Variants in TBC1D4 observed in about 807,000 individuals in gnomAD.
TBC1D4 encodes TBC (Tre-2, BUB2, CDC16) domain-containing protein.
In TBC1D4, 121 loss-of-function variants were observed where a neutral mutation model predicts 142.5. The observed-to-expected ratio is 0.85, with a 90% CI of 0.73 to 0.99. TBC1D4 has a LOEUF of 0.99. TBC1D4 is among the 50% of genes least tolerant of loss of function. The probability of loss-of-function intolerance (pLI) is 0.00; values close to 1 mark genes in which losing one functional copy is unlikely to be tolerated. For missense variants in TBC1D4, 1,475 were observed against 1,606.6 expected (o/e 0.92, Z 1.40); for synonymous variants, 630 against 628.2 (o/e 1.00, Z -0.04).
At chr13:75,459,802 C>T (rs535259923) in intron 1 of TBC1D4, among the ~76,000 whole-genome samples, 1 of 152,272 alleles carries the variant, frequency 6.6e-6, no homozygotes, top group Non-Finnish European at 1.5e-5. Context: ...TTGAAAACAA[C>T]AACAAAAACA....
At chr13:75,417,075 G>C (rs1885950803) in intron 1 of TBC1D4, among the ~76,000 whole-genome samples, 1 of 152,108 alleles carries the variant, frequency 6.6e-6, no homozygotes, top group Non-Finnish European at 1.5e-5. Context: ...CAATATCTCT[G>C]GTCCACTGTT....
At chr13:75,319,940 T>G in intron 12 of TBC1D4, 74 bp downstream of exon 12, 1 of 1,546,986 alleles carries the variant, frequency 6.5e-7, no homozygotes, top group Non-Finnish European at 8.8e-7. Context: ...AACTGCTTTT[T>G]AAACTAAGGA....
At chr13:75,439,426 C>A (rs970239461) in intron 1 of TBC1D4, among the ~76,000 whole-genome samples, 1 of 152,046 alleles carries the variant, frequency 6.6e-6, no homozygotes, top group African/African-American at 2.4e-5. Context: ...TAATGCAAAT[C>A]GTATGTTCAC....
intron 1 of TBC1D4, among the ~76,000 whole-genome samples, chr13:75,424,050 A>ACAAG: frequency 6.6e-6 from 1 of 152,314 alleles, no homozygotes; most frequent in Non-Finnish European, 1.5e-5. Flanking sequence ...AGGTCAAGGC[A>ACAAG]CAAGGAGTGC....
intron 10 of TBC1D4, among the ~76,000 whole-genome samples, chr13:75,325,246 T>A (rs1879125252): frequency 7.8e-6 from 1 of 128,276 alleles, no homozygotes; most frequent in Admixed American, 8.2e-5. Context: ...AATCTGAGAA[T>A]AATGAACTCT....
chr13:75,426,227 A>G (rs1886364886), intron 1 of TBC1D4, among the ~76,000 whole-genome samples: 1 of 152,206 alleles, frequency 6.6e-6, no homozygotes, highest in Non-Finnish European at 1.5e-5. Context: ...AAAGCAAAAT[A>G]CAATGAGATA....
chr13:75,397,595 CT>C (rs1202394314), intron 1 of TBC1D4, among the ~76,000 whole-genome samples: 3 of 151,970 alleles, frequency 2.0e-5, no homozygotes, highest in Non-Finnish European at 4.4e-5. Context: ...TCCTGTTTGG[CT>C]TTTTGTTTTT....
intron 1 of TBC1D4, among the ~76,000 whole-genome samples, chr13:75,379,885 CTCTTTTTTTTTTTTTTTTTTTTTTT>C (rs1883724261): frequency 1.0e-5 from 1 of 98,536 alleles, no homozygotes; most frequent in Admixed American, 1.2e-4. Flanking sequence ...GTTCATCTGA[CTCTTTTTTTTTTTTTTTTTTTTTTT>C]TTTTTTTTTT....
At chr13:75,402,477 A>G (rs1215110036) in intron 1 of TBC1D4, among the ~76,000 whole-genome samples, 3 of 152,192 alleles carry the variant, frequency 2.0e-5, no homozygotes, top group Non-Finnish European at 2.9e-5. Flanking sequence ...TATAATAAAT[A>G]CTTCCATTCT....
intron 1 of TBC1D4, among the ~76,000 whole-genome samples, chr13:75,430,828 T>TA (rs1408430540): frequency 1.3e-5 from 2 of 152,178 alleles, no homozygotes; most frequent in Non-Finnish European, 2.9e-5. Context: ...TTCCTTTTCA[T>TA]ATGGTCAGCG....
In TBC1D4 at chr13:75,369,025, C is replaced by T. The variant is rs1418809811; in HGVS notation, c.499-6418G>A. Among the ~76,000 whole-genome samples, 6 of 151,914 alleles carry T rather than the reference C, an allele frequency of 3.9e-5. No individual in the cohort carries two copies. The East Asian group carries it at 9.7e-4, about 25-fold the overall frequency. ...CACCACTGCACTCCAGCCTGAGCAACAGAGTGAGACTCTGTCTCAAAAAAA... is the reference window on the plus strand; with the variant it reads ...CACCACTGCACTCCAGCCTGAGCAATAGAGTGAGACTCTGTCTCAAAAAAA... On this transcript the variant is annotated intron_variant, in intron 1 of 20. Coordinates refer to ENST00000377636, the MANE Select transcript of TBC1D4 (RefSeq NM_014832.5).
chr13:75,313,868 G>A (rs1239459418), intron 12 of TBC1D4, among the ~76,000 whole-genome samples: 1 of 152,172 alleles, frequency 6.6e-6, no homozygotes, highest in Non-Finnish European at 1.5e-5. Flanking sequence ...GTACTTGTTA[G>A]AGACTGTTAA....
At chr13:75,339,726 C>T (rs1380805330) in intron 7 of TBC1D4, among the ~76,000 whole-genome samples, 1 of 145,948 alleles carries the variant, frequency 6.9e-6, no homozygotes, top group African/African-American at 2.5e-5. Context: ...CAGGCACACA[C>T]CACCACACCG....
At chr13:75,398,487 T>C (rs1275658106) in intron 1 of TBC1D4, among the ~76,000 whole-genome samples, 3 of 152,138 alleles carry the variant, frequency 2.0e-5, no homozygotes, top group Non-Finnish European at 4.4e-5. Context: ...TGAGGAAAAC[T>C]GTTGTAATGT....
At chr13:75,395,518 T>C (rs965114390) in intron 1 of TBC1D4, among the ~76,000 whole-genome samples, 14 of 152,150 alleles carry the variant, frequency 9.2e-5, no homozygotes, top group African/African-American at 3.4e-4. Flanking sequence ...GTTTATGAAG[T>C]TCACAATCCA....
intron 1 of TBC1D4, among the ~76,000 whole-genome samples, chr13:75,406,947 C>A (rs1404997055): frequency 1.3e-5 from 2 of 152,172 alleles, no homozygotes; most frequent in African/African-American, 4.8e-5. Context: ...CTGATCAACA[C>A]CCTAGTATTC....
intron 7 of TBC1D4, 125 bp downstream of exon 7, chr13:75,341,000 T>G: frequency 1.3e-6 from 1 of 789,256 alleles, no homozygotes; most frequent in African/African-American, 1.7e-5. Flanking sequence ...GGCGGGGGAG[T>G]GAGGGGGTAG....
chr13:75,335,869 C>A (rs768425937), intron 8 of TBC1D4, among the ~76,000 whole-genome samples: 1 of 152,098 alleles, frequency 6.6e-6, no homozygotes, highest in African/African-American at 2.4e-5. Flanking sequence ...TTACAAGTTA[C>A]CCAGTTTCAG....
chr13:75,341,388 G>A lies in TBC1D4; in HGVS notation c.1500+108C>T. 2.4e-6 allele frequency: 3 copies of A among 1,256,428 alleles called. No homozygotes were observed. The South Asian group carries it at 3.7e-5, about 15-fold the overall frequency. 77.8% of individuals were successfully genotyped at this position (1,256,428 alleles called of 1,614,324 possible). On this transcript the variant is annotated intron_variant, in intron 6 of 20. Transcript: ENST00000377636. ...TCTATTCTATCCAGTAGTACTCTAG[G>A]TCATGCATCTTTAGCTCTAGGCAGC...
Sources: allele counts gnomAD v4.1 joint callset (sites outside exome capture counted in the v4.1 genomes callset), GRCh38; gene constraint gnomAD v4.1.1; transcripts MANE v1.5; gene names NCBI Gene and HGNC (gene_info 2026-07-23, HGNC 2026-07-21).